Variants in NT5E observed in about 807,000 individuals in gnomAD.
NT5E encodes the protein 5'-nucleotidase ecto, also known as 5'-nucleotidase.
NT5E carries 53 observed loss-of-function variants against 55.1 expected under a neutral mutation model. That is an observed-to-expected ratio of 0.96 (90% CI 0.77 to 1.21). NT5E has a LOEUF of 1.21. NT5E is among the 50% of genes most tolerant of loss of function. NT5E has a pLI of 0.00. For synonymous variants in NT5E, 270 were observed against 278.4 expected (o/e 0.97, Z 0.30); for missense variants, 683 against 724.3 (o/e 0.94, Z 0.65).
intron 3 of NT5E, among the ~76,000 whole-genome samples, chr6:85,481,103 T>C (rs2127723357): frequency 6.6e-6 from 1 of 152,312 alleles, no homozygotes; most frequent in South Asian, 2.1e-4. Flanking sequence ...CCTAGAAAAG[T>C]GTTTGCTAAA....
intron 1 of NT5E, among the ~76,000 whole-genome samples, chr6:85,457,457 T>C (rs1473414474): frequency 6.6e-6 from 1 of 152,184 alleles, no homozygotes; most frequent in East Asian, 1.9e-4. Flanking sequence ...TCTGCCTACA[T>C]CACTTGGTTT....
chr6:85,458,312 AC>A (rs1436131851), intron 1 of NT5E, among the ~76,000 whole-genome samples: 1 of 152,214 alleles, frequency 6.6e-6, no homozygotes, highest in African/African-American at 2.4e-5. Flanking sequence ...TGGATCCCCA[AC>A]CTCAGAGACA....
chr6:85,491,328 A>G, intron 7 of NT5E: 1 of 339,932 alleles, frequency 2.9e-6, no homozygotes, highest in Non-Finnish European at 5.8e-6. Flanking sequence ...CCTGGAAATC[A>G]TAATCTGGCC....
chr6:85,451,486 C>T (rs1199463115), intron 1 of NT5E, among the ~76,000 whole-genome samples: 1 of 151,890 alleles, frequency 6.6e-6, no homozygotes, highest in Non-Finnish European at 1.5e-5. Context: ...ATAAGTACAA[C>T]CAAGATGTAT....
intron 1 of NT5E, among the ~76,000 whole-genome samples, chr6:85,455,361 C>G (rs1001004536): frequency 1.3e-5 from 2 of 152,178 alleles, no homozygotes; most frequent in Admixed American, 1.3e-4. Flanking sequence ...TTGGAACTTT[C>G]GGTACCACCC....
chr6:85,494,226 G>A lies in NT5E; in HGVS notation c.*222G>A. On this transcript the variant is annotated 3_prime_UTR_variant, in exon 9 of 9. Transcript: ENST00000257770. ...TAACATAGGGCCCTATAAGGAGAAA[G>A]CCAACTATGTTAAGTTTACGTGTCC... 1 of 544,268 alleles carries A rather than the reference G, an allele frequency of 1.8e-6. No homozygotes were observed. The highest frequency in any genetic ancestry group is 3.0e-5 in the East Asian group (1 of 33,658). 33.7% of individuals were successfully genotyped at this position (544,268 alleles called of 1,614,324 possible). A position where few individuals can be genotyped will look rare whatever the true frequency, so the allele number is the denominator to read the frequency against.
rs1329743759 is a variant in NT5E at position 85,450,388 on chromosome 6, C to T, written c.249C>T (p.Ala83=). Residue 83 remains alanine (A), a synonymous_variant, in exon 1 of 9, where the codon GCC becomes GCT. Coordinates refer to ENST00000257770, the MANE Select transcript of NT5E (RefSeq NM_002526.4). This position sits in a 1 kb window ranked among gnomAD's most constrained non-coding sequence, Gnocchi z 4.0. ...AACCCAACGTGCTGCTGCTGGACGC[C>T]GGCGACCAGTACCAGGGCACTATCT... ...RAEPNVLLLD[A]GDQYQGTIWF... is the part of the protein sequence containing the mutation. 6.2e-7 allele frequency: 1 copy of T among 1,600,674 alleles called. No homozygotes were observed. Among genetic ancestry groups the T allele is most frequent in the Non-Finnish European group, 8.5e-7 (1 of 1,174,746 alleles).
At chr6:85,473,506 C>A (rs527738018) in intron 3 of NT5E, among the ~76,000 whole-genome samples, 1 of 152,326 alleles carries the variant, frequency 6.6e-6, no homozygotes, top group Non-Finnish European at 1.5e-5. Flanking sequence ...CCTCCCCCTT[C>A]TTCCTTTAGA....
chr6:85,493,996 T>C lies in NT5E; in HGVS notation c.1717T>C (p.Tyr573His). Residue 573 changes from tyrosine to histidine, a missense_variant, in exon 9 of 9, where the codon TAC (tyrosine) becomes CAC (histidine). Tyr to His is a moderately conservative substitution (Grantham distance 83, BLOSUM62 2). Transcript: ENST00000257770. Reference protein sequence around the residue: ...LSLWAVIFVLYQ With the variant: ...LSLWAVIFVLHQ ...ACTTTGGGCAGTGATCTTTGTTTTA[T>C]ACCAATAGCCAAAAATTCTCCTTGC... is the stretch of plus-strand genomic sequence containing the variant. 2 of 1,613,988 alleles carry C rather than the reference T, an allele frequency of 1.2e-6. No homozygotes were observed. Among genetic ancestry groups the C allele is most frequent in the South Asian group, 1.1e-5 (1 of 91,078 alleles).
chr6:85,494,091 A>C lies in NT5E; in HGVS notation c.*87A>C. 1 of 1,268,972 alleles carries C rather than the reference A, an allele frequency of 7.9e-7. No homozygotes were observed. Among genetic ancestry groups the C allele is most frequent in the Non-Finnish European group, 1.1e-6 (1 of 879,456 alleles). The allele number at this position is 1,268,972 out of a possible 1,614,324, so 78.6% of individuals were successfully genotyped here. A position where few individuals can be genotyped will look rare whatever the true frequency, so the allele number is the denominator to read the frequency against. On this transcript the variant is annotated 3_prime_UTR_variant, in exon 9 of 9. Coordinates refer to ENST00000257770, the MANE Select transcript of NT5E (RefSeq NM_002526.4). ...GCCTTTTAGGACCTGGCTTTGTGAC[A>C]GCAAAAACCATCTTTACAGGCTCCT... is the stretch of plus-strand genomic sequence containing the variant.
chr6:85,476,675 A>G (rs1769444165), intron 3 of NT5E, among the ~76,000 whole-genome samples: 1 of 152,216 alleles, frequency 6.6e-6, no homozygotes, highest in Non-Finnish European at 1.5e-5. Context: ...TTTATTGCTG[A>G]TGAAAATGGC....
At chr6:85,451,130 C>T (rs1768848714) in intron 1 of NT5E, among the ~76,000 whole-genome samples, 1 of 152,130 alleles carries the variant, frequency 6.6e-6, no homozygotes, top group African/African-American at 2.4e-5. Context: ...ACATAGTGCA[C>T]ATAGTGTGGT....
intron 1 of NT5E, among the ~76,000 whole-genome samples, chr6:85,465,841 G>A (rs1461374257): frequency 6.6e-6 from 1 of 152,220 alleles, no homozygotes; most frequent in African/African-American, 2.4e-5. Flanking sequence ...ACAGAGTATG[G>A]AATGAGCAAG....
intron 2 of NT5E, among the ~76,000 whole-genome samples, chr6:85,470,586 C>T (rs1769284766): frequency 6.6e-6 from 1 of 152,204 alleles, no homozygotes; most frequent in Non-Finnish European, 1.5e-5. Context: ...AAGTACCTGG[C>T]ATGTGCCTCC....
chr6:85,483,715 G>A (rs982984297), intron 3 of NT5E, among the ~76,000 whole-genome samples: 2 of 152,172 alleles, frequency 1.3e-5, no homozygotes, highest in African/African-American at 4.8e-5. Context: ...TGACATAGGA[G>A]CATGGCAGGA....
At chr6:85,473,870 C>G (rs750225879) in intron 3 of NT5E, among the ~76,000 whole-genome samples, 2 of 152,202 alleles carry the variant, frequency 1.3e-5, no homozygotes, top group Non-Finnish European at 1.5e-5. Context: ...GTGAACATTC[C>G]TGTGTTCCCC....
intron 2 of NT5E, among the ~76,000 whole-genome samples, chr6:85,469,526 G>A (rs1769262597): frequency 1.3e-5 from 2 of 152,334 alleles, no homozygotes; most frequent in East Asian, 1.9e-4. Context: ...TTAAGCAGGA[G>A]GGGAATGGCA....
intron 3 of NT5E, among the ~76,000 whole-genome samples, chr6:85,476,554 T>G (rs558694404): frequency 6.6e-6 from 1 of 152,316 alleles, no homozygotes; most frequent in East Asian, 1.9e-4. Flanking sequence ...CATGGACAGC[T>G]TAAGTGTTTT....
intron 1 of NT5E, among the ~76,000 whole-genome samples, chr6:85,464,572 CT>C (rs1177998183): frequency 1.3e-5 from 2 of 152,098 alleles, no homozygotes; most frequent in African/African-American, 4.8e-5. Context: ...TAAGAGCCCC[CT>C]GGACCCTGCT....
Sources: allele counts gnomAD v4.1 joint callset (sites outside exome capture counted in the v4.1 genomes callset), GRCh38; gene constraint gnomAD v4.1.1; non-coding constraint Gnocchi (gnomAD v3.1); transcripts MANE v1.5; gene names NCBI Gene and HGNC (gene_info 2026-07-23, HGNC 2026-07-21).